The following PCDHA11 variants were observed in gnomAD, a reference collection of about 807,000 sequenced individuals.
PCDHA11 encodes protocadherin alpha-11.
PCDHA11 carries 61 observed loss-of-function variants against 70.3 expected under a neutral mutation model. That is an observed-to-expected ratio of 0.87 (90% CI 0.71 to 1.07). PCDHA11 has a LOEUF of 1.07. Ranked by LOEUF, PCDHA11 falls within the 50% of genes least tolerant of loss-of-function variation. PCDHA11 has a pLI of 0.00. For missense variants in PCDHA11, 1,324 were observed against 1,237.5 expected (o/e 1.07, Z -1.05); for synonymous variants, 633 against 555.1 (o/e 1.14, Z -1.97).
rs116357285 is a variant in PCDHA11, at chr5:140,877,275, C to T, written c.2391+5781C>T. 2.8e-4 allele frequency: 456 copies of T among 1,613,776 alleles called. 1 individual carries two copies. In the African/African-American group the frequency reaches 4.6e-3, roughly 16 times the overall value. Reference sequence around the variant, plus strand: ...AAGTGCGCGCGGTGGACGCTGACTCCGGCTATAACGCTTGGCTGTCCTACG... The same window carrying T: ...AAGTGCGCGCGGTGGACGCTGACTCTGGCTATAACGCTTGGCTGTCCTACG... On this transcript the variant is annotated intron_variant, in intron 1 of 3. Transcript: ENST00000398640.
intron 1 of PCDHA11, among the ~76,000 whole-genome samples, chr5:140,975,601 G>A (rs943598203): frequency 1.2e-4 from 19 of 152,192 alleles, no homozygotes; most frequent in African/African-American, 4.6e-4. Flanking sequence ...GCAATTTGTT[G>A]ATGTCTTCCA....
intron 1 of PCDHA11, among the ~76,000 whole-genome samples, chr5:140,962,051 T>C (rs1352018533): frequency 2.0e-5 from 3 of 151,838 alleles, no homozygotes; most frequent in Admixed American, 6.6e-5. Context: ...GCCTGGCTAA[T>C]TTTTTTGTAT....
chr5:141,007,079 TAGAGA>T (rs1308407580), intron 3 of PCDHA11, among the ~76,000 whole-genome samples: 1 of 151,804 alleles, frequency 6.6e-6, no homozygotes, highest in African/African-American at 2.4e-5. Flanking sequence ...GAAGAGAAAA[TAGAGA>T]AGAGAGTCTA....
chr5:140,993,853 A>G (rs1423193144), intron 3 of PCDHA11, among the ~76,000 whole-genome samples: 5 of 152,198 alleles, frequency 3.3e-5, no homozygotes, highest in African/African-American at 7.2e-5. Context: ...GTAGTAGGCT[A>G]TGCCATCTAG....
chr5:140,910,191 CTT>C (rs1384563815), intron 1 of PCDHA11, among the ~76,000 whole-genome samples: 2 of 152,152 alleles, frequency 1.3e-5, no homozygotes, highest in Non-Finnish European at 2.9e-5. Context: ...TCAAATTAGT[CTT>C]TTGTCCACTT....
At chr5:141,005,556 G>T (rs62384513) in intron 3 of PCDHA11, among the ~76,000 whole-genome samples, 1 of 151,476 alleles carries the variant, frequency 6.6e-6, no homozygotes, top group South Asian at 2.1e-4. Flanking sequence ...ACAAAAATTA[G>T]CCGGGCATGG....
At chr5:140,916,321 C>T (rs1302078048) in intron 1 of PCDHA11, among the ~76,000 whole-genome samples, 1 of 152,160 alleles carries the variant, frequency 6.6e-6, no homozygotes, top group Non-Finnish European at 1.5e-5. Flanking sequence ...AGACAAAGTC[C>T]CCTTTACTTT....
intron 1 of PCDHA11, among the ~76,000 whole-genome samples, chr5:140,908,920 C>A (rs782461394): frequency 6.6e-5 from 10 of 152,180 alleles, no homozygotes; most frequent in Admixed American, 1.3e-4. Flanking sequence ...GTAGGAGGGG[C>A]CAAATGCAGC....
Position 140,869,207 on chromosome 5 carries a change from T to C in PCDHA11, c.104T>C (p.Val35Ala), listed in dbSNP as rs781925229. ...GGGAGCGGCCAGCTCCACTACTCCG[T>C]CTCGGAGGAGGCCAAACACGGCACC... Reference protein sequence around the residue: ...EVGSGQLHYSVSEEAKHGTFV... With the variant: ...EVGSGQLHYSASEEAKHGTFV... Residue 35 changes from valine (V) to alanine (A), a missense_variant, in exon 1 of 4, where the codon GTC becomes GCC. By Grantham distance (64) the Val-to-Ala change is moderately conservative (BLOSUM62 0). Transcript: ENST00000398640. 3.7e-6 allele frequency: 6 copies of C among 1,613,842 alleles called. No homozygotes were observed. The African/African-American group carries it at 5.3e-5, about 14-fold the overall frequency.
chr5:140,876,964 C>G, intron 1 of PCDHA11: 2 of 1,613,060 alleles, frequency 1.2e-6, no homozygotes, highest in Non-Finnish European at 1.7e-6. Context: ...GGTGGAGCGG[C>G]GGGTGGGCGA....
chr5:140,964,087 G>T (rs2095809523), intron 1 of PCDHA11, among the ~76,000 whole-genome samples: 1 of 152,078 alleles, frequency 6.6e-6, no homozygotes, highest in African/African-American at 2.4e-5. Context: ...TTGTAGAAAG[G>T]GTAATTAACA....
chr5:140,904,416 A>T (rs930452191), intron 1 of PCDHA11, among the ~76,000 whole-genome samples: 1 of 150,980 alleles, frequency 6.6e-6, no homozygotes, highest in Non-Finnish European at 1.5e-5. Context: ...TATATAATAC[A>T]TATATTTTAT....
intron 1 of PCDHA11, among the ~76,000 whole-genome samples, chr5:140,905,999 G>T (rs781796509): frequency 1.3e-5 from 2 of 152,140 alleles, no homozygotes; most frequent in Non-Finnish European, 2.9e-5. Flanking sequence ...AGGCTGGGAG[G>T]CTAAGCCAGT....
intron 1 of PCDHA11, among the ~76,000 whole-genome samples, chr5:140,972,662 T>A (rs1188844189): frequency 1.5e-4 from 8 of 54,766 alleles, no homozygotes; most frequent in African/African-American, 8.1e-4. Context: ...GAAACCAAAT[T>A]TTTTTTTTTT....
intron 1 of PCDHA11, among the ~76,000 whole-genome samples, chr5:140,948,960 G>A (rs900113633): frequency 5.9e-5 from 9 of 151,550 alleles, no homozygotes; most frequent in Non-Finnish European, 1.2e-4. Context: ...TTAAAGCCAC[G>A]AATTTATTAG....
In PCDHA11 at chr5:140,870,911, A is replaced by G. The variant is rs782609021; in HGVS notation, c.1808A>G (p.Asn603Ser). 1.2e-6 allele frequency: 2 copies of G among 1,613,910 alleles called. No homozygotes were observed. Among genetic ancestry groups the G allele is most frequent in the Non-Finnish European group, 1.7e-6 (2 of 1,179,892 alleles). Reference sequence around the variant, plus strand: ...GCAGTGGATGCGGACTCAGGCTACAACGCGTGGCTTTCATATGAATTGCAG... The same window carrying G: ...GCAGTGGATGCGGACTCAGGCTACAGCGCGTGGCTTTCATATGAATTGCAG... ...VRAVDADSGY[N>S]AWLSYELQPA... Residue 603 changes from asparagine to serine, a missense_variant, in exon 1 of 4, where the codon AAC (asparagine) becomes AGC (serine). Asn to Ser is a conservative substitution (Grantham distance 46). Transcript: ENST00000398640.
intron 1 of PCDHA11, among the ~76,000 whole-genome samples, chr5:140,933,324 G>A (rs563163291): frequency 5.3e-5 from 8 of 151,904 alleles, no homozygotes; most frequent in Non-Finnish European, 1.2e-4. Context: ...GTATTCTCCT[G>A]TGCTGTAGAG....
intron 1 of PCDHA11, among the ~76,000 whole-genome samples, chr5:140,939,879 T>C (rs565550218): frequency 2.0e-5 from 3 of 152,208 alleles, no homozygotes; most frequent in Non-Finnish European, 4.4e-5. Flanking sequence ...CTTTGCTAGT[T>C]GTGTTGTTCA....
chr5:140,928,166 T>G, intron 1 of PCDHA11: 1 of 1,614,142 alleles, frequency 6.2e-7, no homozygotes, highest in South Asian at 1.1e-5. Context: ...TCACCCCCAC[T>G]TAGCACCCGA....
Sources: allele counts gnomAD v4.1 joint callset (sites outside exome capture counted in the v4.1 genomes callset), GRCh38; gene constraint gnomAD v4.1.1; transcripts MANE v1.5; gene names NCBI Gene and HGNC (gene_info 2026-07-23, HGNC 2026-07-21).